The following LDLRAD4 variants were observed in gnomAD, a reference collection of about 807,000 sequenced individuals.
The protein encoded by LDLRAD4 is low density lipoprotein receptor class A domain containing 4.
A neutral mutation model predicts 17.0 loss-of-function variants in LDLRAD4; 5 were observed. The observed-to-expected ratio is 0.29, with a 90% confidence interval of 0.15 to 0.62. LDLRAD4 has a LOEUF of 0.62. Among genes scored for constraint, LDLRAD4 ranks in the 20% least tolerant of loss-of-function variants. The pLI is 0.84. For missense variants in LDLRAD4, 340 were observed against 424.7 expected (o/e 0.80, Z 1.75); for synonymous variants, 168 against 171.8 (o/e 0.98, Z 0.17).
intron 1 of LDLRAD4, chr18:13,241,155 G>A: frequency 6.6e-6 from 1 of 152,346 alleles, no homozygotes; most frequent in Non-Finnish European, 1.5e-5. Context: ...TGGAACTCCT[G>A]ACCTCAAGTG....
In LDLRAD4 at chr18:13,644,837, C is replaced by T. The variant is rs117747690; in HGVS notation, c.391-290C>T. On this transcript the variant is annotated intron_variant, in intron 5 of 5. Coordinates refer to ENST00000359446, the Ensembl canonical transcript of LDLRAD4. The stretch of plus-strand genomic sequence containing the variant: ...TTCCAAGGGGAAAATGCACACGTAG[C>T]ACGCACAGAAACTCCCAGGAGCCCA... The T allele has an allele frequency of 5.9e-3, 2,408 of 406,302 alleles. 41 individuals carry two copies. The highest frequency in any genetic ancestry group is 0.041 in the East Asian group (918 of 22,244). The allele number at this position is 406,302 out of a possible 1,614,324, so 25.2% of individuals were successfully genotyped here. A position where few individuals can be genotyped will look rare whatever the true frequency, so the allele number is the denominator to read the frequency against.
intron 1 of LDLRAD4, chr18:13,382,421 G>A: frequency 6.6e-6 from 1 of 152,216 alleles, no homozygotes; most frequent in East Asian, 1.9e-4. Context: ...GGTTAGGTTT[G>A]TGAGTGTTCA....
At chr18:13,293,724 G>A (rs750095269) in intron 1 of LDLRAD4, among the ~76,000 whole-genome samples, 2 of 152,194 alleles carry the variant, frequency 1.3e-5, no homozygotes, top group African/African-American at 2.4e-5. Flanking sequence ...TTCCCTCTCC[G>A]TGTTTCCGCA....
At chr18:13,428,064 G>C (rs2090076084) in intron 2 of LDLRAD4, among the ~76,000 whole-genome samples, 1 of 152,212 alleles carries the variant, frequency 6.6e-6, no homozygotes, top group African/African-American at 2.4e-5. Context: ...GGACTCATTA[G>C]TAAGACCAGG....
rs541956691 is a variant in LDLRAD4, at chr18:13,246,311, C to A, written c.-467+27323C>A. 3.9e-5 allele frequency among the ~76,000 whole-genome samples: 6 copies of A among 152,300 alleles called. No homozygotes were observed. In the South Asian group the frequency reaches 1.2e-3, roughly 32 times the overall value. On this transcript the variant is annotated intron_variant, in intron 1 of 5. Transcript: ENST00000399848. ...TGTGCCCTTGGGGTCCCTGTGCAGC[C>A]CTGGGGATCTCGCTGCCCTGGCGCC... is the stretch of plus-strand genomic sequence containing the variant.
At chr18:13,529,756 A>T (rs1177109883) in intron 3 of LDLRAD4, among the ~76,000 whole-genome samples, 1 of 152,254 alleles carries the variant, frequency 6.6e-6, no homozygotes, top group Non-Finnish European at 1.5e-5. Flanking sequence ...ATGTGTGCAC[A>T]GAAGACAGCG....
At chr18:13,379,090 A>C (rs1455874356) in intron 1 of LDLRAD4, among the ~76,000 whole-genome samples, 1 of 152,160 alleles carries the variant, frequency 6.6e-6, no homozygotes, top group African/African-American at 2.4e-5. Flanking sequence ...CATTGCTTCC[A>C]TTTTACAGCC....
At chr18:13,382,031 G>T (rs1453022267) in intron 1 of LDLRAD4, among the ~76,000 whole-genome samples, 2 of 152,244 alleles carry the variant, frequency 1.3e-5, no homozygotes, top group Admixed American at 6.5e-5. Context: ...CTGAGCGTCT[G>T]TGGGGCCTGG....
intron 4 of LDLRAD4, chr18:13,642,095 G>A: frequency 1.0e-6 from 1 of 985,526 alleles, no homozygotes. Flanking sequence ...CGGTCCCTGA[G>A]CCCACCCTTC....
At chr18:13,494,513 A>G (rs2093419853) in intron 3 of LDLRAD4, among the ~76,000 whole-genome samples, 2 of 150,048 alleles carry the variant, frequency 1.3e-5, no homozygotes, top group South Asian at 4.3e-4. Context: ...TGCCTGTTTT[A>G]TAGAAAATAT....
intron 1 of LDLRAD4, among the ~76,000 whole-genome samples, chr18:13,349,573 C>G (rs1209157381): frequency 2.0e-5 from 3 of 152,118 alleles, no homozygotes; most frequent in African/African-American, 7.2e-5. Context: ...GTAATGAACT[C>G]TCAGCTTTTG....
At chr18:13,305,432 C>T (rs1031396093) in intron 1 of LDLRAD4, among the ~76,000 whole-genome samples, 25 of 152,304 alleles carry the variant, frequency 1.6e-4, no homozygotes, top group African/African-American at 6.0e-4. Context: ...ACTATGTGAT[C>T]CTTATCATCT....
intron 2 of LDLRAD4, among the ~76,000 whole-genome samples, chr18:13,432,810 A>G (rs2090428488): frequency 6.6e-6 from 1 of 152,140 alleles, no homozygotes; most frequent in African/African-American, 2.4e-5. Flanking sequence ...TCAAACTCCT[A>G]GGCTCAAGCC....
intron 1 of LDLRAD4, among the ~76,000 whole-genome samples, chr18:13,292,646 G>A (rs888006449): frequency 6.6e-6 from 1 of 152,122 alleles, no homozygotes; most frequent in Non-Finnish European, 1.5e-5. Context: ...GGGAGCCCTA[G>A]GAGGGACTGA....
At chr18:13,386,623 G>A (rs1045291717) in intron 1 of LDLRAD4, among the ~76,000 whole-genome samples, 3 of 152,160 alleles carry the variant, frequency 2.0e-5, no homozygotes, top group Non-Finnish European at 2.9e-5. Flanking sequence ...TCCCGCCTCG[G>A]CCTCCCAAAT....
chr18:13,507,627 A>G (rs2093715602), intron 3 of LDLRAD4, among the ~76,000 whole-genome samples: 1 of 152,210 alleles, frequency 6.6e-6, no homozygotes, highest in Non-Finnish European at 1.5e-5. Flanking sequence ...ATAAACATGC[A>G]TGCATATGTG....
intron 3 of LDLRAD4, chr18:13,487,134 G>T (rs567680180): frequency 1.3e-5 from 2 of 152,154 alleles, no homozygotes; most frequent in Non-Finnish European, 2.9e-5. Context: ...ACTTTGATGA[G>T]AGTGATCATT....
intron 1 of LDLRAD4, among the ~76,000 whole-genome samples, chr18:13,248,636 A>C (rs1466551938): frequency 6.6e-6 from 1 of 152,244 alleles, no homozygotes; most frequent in Admixed American, 6.5e-5. Flanking sequence ...TTATTTTAAA[A>C]ATGGACACAT....
chr18:13,436,896 C>T (rs1172607125), intron 2 of LDLRAD4, among the ~76,000 whole-genome samples: 4 of 152,368 alleles, frequency 2.6e-5, no homozygotes, highest in Middle Eastern at 3.4e-3. Context: ...TTTTTCTATA[C>T]TCTTTTAGGA....
Sources: gnomAD v4.1 joint callset for allele counts (sites outside exome capture counted in the v4.1 genomes callset) on GRCh38, gnomAD v4.1.1 for gene constraint, MANE v1.5 for transcripts, NCBI Gene and HGNC (gene_info 2026-07-23, HGNC 2026-07-21) for gene names.